BTRC: variants seen among roughly 807,000 people sequenced by gnomAD.
The protein encoded by BTRC is beta-transducin repeat containing E3 ubiquitin protein ligase.
Under a neutral mutation model 85.5 loss-of-function variants are expected in BTRC, and 42 were observed. The observed-to-expected ratio is 0.49, with a 90% CI of 0.38 to 0.64. BTRC has a LOEUF of 0.64. Among genes scored for constraint, BTRC ranks in the 30% least tolerant of loss-of-function variants. The probability of loss-of-function intolerance (pLI) is 0.00; values close to 1 mark genes in which losing one functional copy is unlikely to be tolerated. For missense variants in BTRC, 594 were observed against 743.5 expected, an observed-to-expected ratio of 0.80 and a Z score of 2.34; for synonymous variants, 255 against 263.3, an observed-to-expected ratio of 0.97 and a Z score of 0.30.
intron 14 of BTRC, 134 bp downstream of exon 14, chr10:101,551,025 T>C: frequency 1.3e-6 from 1 of 792,136 alleles, no homozygotes; most frequent in Non-Finnish European, 1.9e-6. Flanking sequence ...GCAGACAATG[T>C]GAGACAGGGC....
At chr10:101,527,023 A>T (rs1176796686) in intron 6 of BTRC, among the ~76,000 whole-genome samples, 1 of 152,202 alleles carries the variant, frequency 6.6e-6, no homozygotes, top group Non-Finnish European at 1.5e-5. Flanking sequence ...TTTCTCTCAG[A>T]GTATGTCTCT....
At chr10:101,535,564 T>A in intron 11 of BTRC, 92 bp downstream of exon 11, 1 of 877,894 alleles carries the variant, frequency 1.1e-6, no homozygotes, top group Non-Finnish European at 1.7e-6. Flanking sequence ...AATTTTGTTA[T>A]GTTTATAATC....
chr10:101,513,729 C>CA (rs1260176917), intron 4 of BTRC, among the ~76,000 whole-genome samples: 2 of 130,966 alleles, frequency 1.5e-5, no homozygotes, highest in African/African-American at 3.5e-5. Context: ...AATATGGAAG[C>CA]AAAAAACATT....
At chr10:101,399,321 CTTTTT>C (rs10610835) in intron 1 of BTRC, among the ~76,000 whole-genome samples, 160 of 128,020 alleles carry the variant, frequency 1.2e-3, no homozygotes, top group Non-Finnish European at 1.7e-3. Context: ...CTAGAATCAC[CTTTTT>C]TTTTTTTTTT....
At chr10:101,464,399 A>G (rs552420465) in intron 3 of BTRC, among the ~76,000 whole-genome samples, 8 of 152,236 alleles carry the variant, frequency 5.3e-5, no homozygotes, top group Non-Finnish European at 1.0e-4. Flanking sequence ...ATAAATGCAT[A>G]CATTATTGAA....
At chr10:101,399,398 T>C (rs1333803694) in intron 1 of BTRC, among the ~76,000 whole-genome samples, 1 of 151,566 alleles carries the variant, frequency 6.6e-6, no homozygotes, top group Non-Finnish European at 1.5e-5. Context: ...TAGCAGGTCA[T>C]GTATGACTCA....
At chr10:101,413,554 T>C (rs896456624) in intron 1 of BTRC, among the ~76,000 whole-genome samples, 12 of 152,152 alleles carry the variant, frequency 7.9e-5, no homozygotes, top group Non-Finnish European at 1.8e-4. Context: ...CCTCAGGTGA[T>C]CCACCCGCCT....
At chr10:101,449,104 A>G (rs1418246461) in intron 2 of BTRC, among the ~76,000 whole-genome samples, 1 of 152,036 alleles carries the variant, frequency 6.6e-6, no homozygotes, top group Non-Finnish European at 1.5e-5. Context: ...AATCTAGCCC[A>G]GTCTAGCTTT....
chr10:101,525,480 T>C (rs2062176688), intron 5 of BTRC, among the ~76,000 whole-genome samples: 1 of 152,196 alleles, frequency 6.6e-6, no homozygotes, highest in Non-Finnish European at 1.5e-5. Flanking sequence ...TGTATTTCCT[T>C]CTTCTCTCCT....
chr10:101,429,884 T>C (rs1055597896), intron 1 of BTRC, among the ~76,000 whole-genome samples: 1 of 151,198 alleles, frequency 6.6e-6, no homozygotes, highest in Admixed American at 6.6e-5. Context: ...AAAAAAACTC[T>C]CTTAACTGTG....
intron 1 of BTRC, among the ~76,000 whole-genome samples, chr10:101,384,415 A>G (rs1943015827): frequency 6.6e-6 from 1 of 152,238 alleles, no homozygotes; most frequent in South Asian, 2.1e-4. Context: ...GTGCAGGTAG[A>G]TACTTATGTT....
chr10:101,361,571 AG>A (rs906785105), intron 1 of BTRC, among the ~76,000 whole-genome samples: 24 of 152,192 alleles, frequency 1.6e-4, no homozygotes, highest in African/African-American at 5.3e-4. Flanking sequence ...TAGGCAATGG[AG>A]GGGGGAAGAA....
chr10:101,371,348 T>C (rs539120490), intron 1 of BTRC, among the ~76,000 whole-genome samples: 97 of 152,300 alleles, frequency 6.4e-4, no homozygotes, highest in African/African-American at 2.2e-3. Flanking sequence ...CAGCTAATTT[T>C]TGTATTTTTA....
rs2062181328 is a variant in BTRC, at chr10:101,525,729, GA to G, written c.557-282del. Among the ~76,000 whole-genome samples, 5 of 152,146 alleles carry G rather than the reference GA, an allele frequency of 3.3e-5. No homozygotes were observed. In the South Asian group the frequency reaches 1.0e-3, roughly 32 times the overall value. On this transcript the variant is annotated intron_variant, in intron 5 of 14. Transcript: ENST00000370187. ...ATAGATAGATGTGAATTGTTTTCTG[GA>G]ATCCTTTTTATTTTTAATGTCTTGG...
At chr10:101,392,892 G>C (rs1276746943) in intron 1 of BTRC, among the ~76,000 whole-genome samples, 3 of 152,148 alleles carry the variant, frequency 2.0e-5, no homozygotes, top group Non-Finnish European at 4.4e-5. Context: ...CATGGTCCTG[G>C]TTCATAACTC....
intron 3 of BTRC, among the ~76,000 whole-genome samples, chr10:101,475,294 C>T (rs1945647633): frequency 6.6e-6 from 1 of 152,168 alleles, no homozygotes; most frequent in South Asian, 2.1e-4. Flanking sequence ...AATCCCAGCA[C>T]TTTGGGAGGC....
chr10:101,377,567 C>T (rs74152872), intron 1 of BTRC, among the ~76,000 whole-genome samples: 33 of 152,190 alleles, frequency 2.2e-4, no homozygotes, highest in African/African-American at 7.0e-4. Flanking sequence ...TAATTTTAGC[C>T]ATTCTAATAG....
At chr10:101,500,611 G>T (rs940378369) in intron 4 of BTRC, among the ~76,000 whole-genome samples, 14 of 152,144 alleles carry the variant, frequency 9.2e-5, no homozygotes, top group African/African-American at 3.4e-4. Context: ...TGATGTGAAA[G>T]AAATGAGGCA....
At position 101,397,683 on chromosome 10, in the gene BTRC, TC is replaced by T. The variant is rs1386473476; in HGVS notation, c.49-32657del. Among the ~76,000 whole-genome samples, 4 of 152,320 alleles carry T rather than the reference TC, an allele frequency of 2.6e-5. No individual in the cohort carries two copies. The South Asian group carries it at 6.2e-4, about 24-fold the overall frequency. On this transcript the variant is annotated intron_variant, in intron 1 of 14. Transcript: ENST00000370187. ...AAATAGGGTGTTTTCCTTTCCTCTT[TC>T]CCCCATTTCTCACCCAGTGCTTAAT...
Sources: allele counts gnomAD v4.1 joint callset (sites outside exome capture counted in the v4.1 genomes callset), GRCh38; gene constraint gnomAD v4.1.1; transcripts MANE v1.5; gene names NCBI Gene and HGNC (gene_info 2026-07-23, HGNC 2026-07-21).